Variants in CENPW observed in about 807,000 individuals in gnomAD.
CENPW encodes the protein cancer-up-regulated gene 2 protein.
A neutral mutation model predicts 11.1 loss-of-function variants in CENPW; 3 were observed. The ratio of observed to expected loss-of-function variants is 0.27; its 90% CI spans 0.12 to 0.70. CENPW has a LOEUF of 0.70. Among genes scored for constraint, CENPW ranks in the 30% least tolerant of loss-of-function variants. The pLI is 0.77. For missense variants in CENPW, 100 were observed against 105.6 expected (o/e 0.95, Z 0.23); for synonymous variants, 38 against 42.0 (o/e 0.91, Z 0.37).
At chr6:126,420,067 G>C in the CENPW span, among the ~76,000 whole-genome samples, 23 of 152,252 alleles carry the variant, frequency 1.5e-4, no homozygotes, top group African/African-American at 4.3e-4. Context: ...ATGCCATAAA[G>C]AACAGCTGAC....
chr6:126,428,005 C>T, the CENPW span, among the ~76,000 whole-genome samples: 3 of 152,206 alleles, frequency 2.0e-5, no homozygotes, highest in South Asian at 2.1e-4. Context: ...TCTCACCTCT[C>T]CTAACGAAAT....
the CENPW span, among the ~76,000 whole-genome samples, chr6:126,482,112 G>A: frequency 6.6e-6 from 1 of 152,006 alleles, no homozygotes; most frequent in Non-Finnish European, 1.5e-5. Flanking sequence ...TTGTGGTAGA[G>A]AATTTTTATT....
chr6:126,459,321 AT>A, the CENPW span, among the ~76,000 whole-genome samples: 2 of 151,514 alleles, frequency 1.3e-5, no homozygotes, highest in African/African-American at 4.8e-5. Flanking sequence ...ATTTTAGACA[AT>A]TAGTAACAAT....
At position 126,348,131 on chromosome 6, in the gene CENPW, T is replaced by C. The variant is rs73771460; in HGVS notation, c.241-335T>C. Among the ~76,000 whole-genome samples the C allele has an allele frequency of 2.4e-3, 367 of 152,142 alleles. 2 individuals are homozygous for C. Among genetic ancestry groups the C allele is most frequent in the African/African-American group, 8.4e-3 (348 of 41,580 alleles). On this transcript the variant is annotated intron_variant, in intron 2 of 2. Transcript: ENST00000368328. ...TTGTTTAACTCCTAATTTAGATAAC[T>C]AAATTGTCTAAAAATTTCAAATTCG...
chr6:126,392,277 A>C, the CENPW span, among the ~76,000 whole-genome samples: 16 of 151,836 alleles, frequency 1.1e-4, no homozygotes, highest in East Asian at 1.5e-3. Context: ...AATTGTTTCA[A>C]ATTGTTTGCA....
the CENPW span, among the ~76,000 whole-genome samples, chr6:126,396,438 C>T: frequency 6.6e-6 from 1 of 152,240 alleles, no homozygotes; most frequent in African/African-American, 2.4e-5. Context: ...GAAACTCGCC[C>T]TTCAAGGTTG....
the CENPW span, among the ~76,000 whole-genome samples, chr6:126,458,253 G>A: frequency 6.6e-6 from 1 of 151,208 alleles, no homozygotes; most frequent in Non-Finnish European, 1.5e-5. Context: ...AAATTATTCT[G>A]AGCGATCTCA....
the CENPW span, among the ~76,000 whole-genome samples, chr6:126,445,718 TAAAG>T: frequency 2.0e-5 from 3 of 151,228 alleles, no homozygotes; most frequent in Admixed American, 1.3e-4. Context: ...TATATATATA[TAAAG>T]AAAAACACAT....
the CENPW span, among the ~76,000 whole-genome samples, chr6:126,416,804 C>G: frequency 6.6e-6 from 1 of 152,196 alleles, no homozygotes; most frequent in East Asian, 1.9e-4. Flanking sequence ...GCCTGGATGT[C>G]CAGGCAGAAG....
At chr6:126,370,202 G>A in the CENPW span, among the ~76,000 whole-genome samples, 1 of 152,194 alleles carries the variant, frequency 6.6e-6, no homozygotes, top group African/African-American at 2.4e-5. Flanking sequence ...GTTAGGTAAT[G>A]TGATGCCTTC....
At chr6:126,483,144 A>G in the CENPW span, among the ~76,000 whole-genome samples, 1 of 151,878 alleles carries the variant, frequency 6.6e-6, no homozygotes, top group Admixed American at 6.6e-5. Context: ...TATTTCTAGT[A>G]TAAAGAAATG....
the CENPW span, among the ~76,000 whole-genome samples, chr6:126,374,045 C>CT: frequency 2.0e-5 from 3 of 152,050 alleles, no homozygotes; most frequent in Non-Finnish European, 2.9e-5. Context: ...TTAGCTAAGA[C>CT]TTTTTTCCTG....
the CENPW span, among the ~76,000 whole-genome samples, chr6:126,412,136 A>AC: frequency 3.5e-5 from 3 of 85,246 alleles, no homozygotes; most frequent in African/African-American, 1.4e-4. Flanking sequence ...ATGGGCATGC[A>AC]CCATCATGCC....
At chr6:126,376,087 A>G in the CENPW span, among the ~76,000 whole-genome samples, 1 of 152,156 alleles carries the variant, frequency 6.6e-6, no homozygotes. Context: ...CTGAGACACT[A>G]ACCCAGTTTT....
chr6:126,456,345 C>T, the CENPW span, among the ~76,000 whole-genome samples: 34 of 151,514 alleles, frequency 2.2e-4, no homozygotes, highest in Non-Finnish European at 4.3e-4. Context: ...AATAGTAGCA[C>T]AAAAACAGAC....
the CENPW span, among the ~76,000 whole-genome samples, chr6:126,439,739 C>G: frequency 6.6e-6 from 1 of 151,632 alleles, no homozygotes; most frequent in East Asian, 1.9e-4. Flanking sequence ...CCAAAGATTT[C>G]TAACCACTCT....
At chr6:126,399,168 A>G in the CENPW span, among the ~76,000 whole-genome samples, 4 of 152,266 alleles carry the variant, frequency 2.6e-5, no homozygotes, top group East Asian at 7.7e-4. Context: ...CTTTGGTTAT[A>G]TACCTAGTAA....
chr6:126,400,835 A>T, the CENPW span, among the ~76,000 whole-genome samples: 1 of 151,964 alleles, frequency 6.6e-6, no homozygotes, highest in Non-Finnish European at 1.5e-5. Flanking sequence ...CACTGAAGGC[A>T]CTCTTAATCT....
chr6:126,452,462 G>C, the CENPW span, among the ~76,000 whole-genome samples: 2 of 151,024 alleles, frequency 1.3e-5, no homozygotes, highest in African/African-American at 4.8e-5. Flanking sequence ...TAAGAGCTGA[G>C]AAAAGAGTAG....
Sources: allele counts gnomAD v4.1 joint callset (sites outside exome capture counted in the v4.1 genomes callset), GRCh38; gene constraint gnomAD v4.1.1; transcripts MANE v1.5; gene names NCBI Gene and HGNC (gene_info 2026-07-23, HGNC 2026-07-21).